Variants in MUC17 observed in about 807,000 individuals in gnomAD.
MUC17 encodes the protein mucin 17, cell surface associated, also known as mucin-17.
Under a neutral mutation model 170.3 loss-of-function variants are expected in MUC17, and 190 were observed. The ratio of observed to expected loss-of-function variants is 1.12; its 90% CI spans 0.99 to 1.26. MUC17 has a LOEUF of 1.26. Among genes scored for constraint, MUC17 ranks in the 50% most tolerant of loss-of-function variants. MUC17 has a pLI of 0.00. For synonymous variants in MUC17, 2,325 were observed against 2,002.5 expected, an observed-to-expected ratio of 1.16 and a Z score of -4.30; for missense variants, 6,415 against 5,530.0, an observed-to-expected ratio of 1.16 and a Z score of -5.08.
Position 101,056,163 on chromosome 7 carries a change from G to C in MUC17, c.13364-31G>C, listed in dbSNP as rs569601120. 4.3e-6 allele frequency: 7 copies of C among 1,613,164 alleles called. No individual in the cohort carries two copies. The Admixed American group carries it at 1.0e-4, about 23-fold the overall frequency. On this transcript the variant is annotated intron_variant, in intron 11 of 12. Transcript: ENST00000306151. ...TGAAAGTTTGTCCTTCTAACCTCCTGTTTCCATGGTGCTTTCCATCCCTCC... is the reference window on the plus strand; with the variant it reads ...TGAAAGTTTGTCCTTCTAACCTCCTCTTTCCATGGTGCTTTCCATCCCTCC...
Position 101,032,024 on chromosome 7 carries a change from G to T in MUC17, c.608G>T (p.Ser203Ile), listed in dbSNP as rs1219014348. Residue 203 changes from serine (S) to isoleucine (I), a missense_variant, in exon 3 of 13, where the codon AGC (serine) becomes ATC (isoleucine). By Grantham distance (142) the Ser-to-Ile change is moderately radical. Coordinates refer to ENST00000306151, the MANE Select transcript of MUC17 (RefSeq NM_001040105.2). ...AGTTCATCTCCTACTACTCCTGAAA[G>T]CACCACCATACCCAAATCAACTAAC... ...QASSSPTTPE[S>I]TTIPKSTNSE... is the part of the protein sequence containing the mutation. The T allele has an allele frequency of 1.9e-6, 3 of 1,614,054 alleles. No homozygotes were observed. Among genetic ancestry groups the T allele is most frequent in the East Asian group, 2.2e-5 (1 of 44,902 alleles).
In MUC17 at chr7:101,043,307, CT is replaced by C. The variant is rs765775106; in HGVS notation, c.11892del (p.Val3965Ter). 43 of 1,614,078 alleles carry C rather than the reference CT, an allele frequency of 2.7e-5. No homozygotes were observed. In the East Asian group the frequency reaches 8.7e-4, roughly 33 times the overall value. On this transcript the variant is annotated frameshift_variant, in exon 3 of 13. Coordinates refer to ENST00000306151, the MANE Select transcript of MUC17 (RefSeq NM_001040105.2). LOFTEE classifies it high-confidence loss of function. ...FPATTGAVSTPVITSTELNTP... is the reference protein window; with the variant it reads ...FPATTGAVSTXVITSTELNTP... The stretch of plus-strand genomic sequence containing the variant: ...GCAACAACTGGTGCTGTATCTACCC[CT>C]GTGATAACTTCCACTGAACTAAACA...
In MUC17 at chr7:101,031,776, A is replaced by G. The variant is rs1425582405; in HGVS notation, c.360A>G (p.Glu120=). The G allele has an allele frequency of 2.5e-6, 4 of 1,608,128 alleles. No homozygotes were observed. The highest frequency in any genetic ancestry group is 3.4e-6 in the Non-Finnish European group (4 of 1,174,598). The part of the protein sequence containing the change: ...MTPTESRTTS[E]STSDSTTLFP... ...CAACAGAATCCAGAACAACTTCAGAATCTACCAGTGACAGCACCACACTTT... is the reference window on the plus strand; with the variant it reads ...CAACAGAATCCAGAACAACTTCAGAGTCTACCAGTGACAGCACCACACTTT... Residue 120 remains glutamate (E), a synonymous_variant, in exon 3 of 13, where the codon GAA becomes GAG. Transcript: ENST00000306151.
In MUC17 at chr7:101,053,027, G is replaced by A; in HGVS notation, c.13145G>A (p.Cys4382Tyr). ...ACTCACTGGTACAGTGGGGAGACCTGTAACCAGGGCACCCAGAAGAGTCTG... is the reference window on the plus strand; with the variant it reads ...ACTCACTGGTACAGTGGGGAGACCTATAACCAGGGCACCCAGAAGAGTCTG... ...TETHWYSGET[C>Y]NQGTQKSLVY... The change falls in exon 10 of 13, where the codon TGT (cysteine) becomes TAT (tyrosine). Residue 4382 changes from cysteine (C) to tyrosine (Y), a missense_variant. Physicochemically the swap from Cys to Tyr is radical, Grantham distance 194. Coordinates refer to ENST00000306151, the MANE Select transcript of MUC17 (RefSeq NM_001040105.2). The A allele has an allele frequency of 1.2e-6, 2 of 1,614,156 alleles. No homozygotes were observed. Among genetic ancestry groups the A allele is most frequent in the Non-Finnish European group, 1.7e-6 (2 of 1,180,020 alleles).
intron 7 of MUC17, 38 bp downstream of exon 7, chr7:101,050,673 A>C: frequency 1.2e-6 from 2 of 1,602,890 alleles, no homozygotes; most frequent in Non-Finnish European, 1.7e-6. Flanking sequence ...GGGAGAAGGC[A>C]TCAGAGCTGG....
chr7:101,045,274 G>A (rs1043701590), intron 3 of MUC17, among the ~76,000 whole-genome samples: 4 of 152,236 alleles, frequency 2.6e-5, no homozygotes, highest in East Asian at 1.9e-4. Flanking sequence ...ATCCCATCTT[G>A]AATTGATGAT....
Position 101,035,755 on chromosome 7 carries a change from A to C in MUC17, c.4339A>C (p.Thr1447Pro). ...AACTGCTGAAGGTATCAGCATACCA[A>C]CCTCAACTCCTAGTGAAGGAAAGAC... ...PTTAEGISIP[T>P]STPSEGKTPL... is the part of the protein sequence containing the mutation. Residue 1447 changes from threonine (T) to proline (P), a missense_variant, in exon 3 of 13, where the codon ACC (threonine) becomes CCC (proline). Coordinates refer to ENST00000306151, the MANE Select transcript of MUC17 (RefSeq NM_001040105.2). 6.2e-7 allele frequency: 1 copy of C among 1,610,912 alleles called. No individual in the cohort carries two copies. Among genetic ancestry groups the C allele is most frequent in the Non-Finnish European group, 8.5e-7 (1 of 1,178,148 alleles).
chr7:101,025,396 C>T (rs1284713153), intron 1 of MUC17, among the ~76,000 whole-genome samples: 2 of 147,008 alleles, frequency 1.4e-5, no homozygotes, highest in African/African-American at 5.0e-5. Context: ...GGCATGGTGG[C>T]TTACACCTGT....
rs200627718 is a variant in MUC17, at chr7:101,035,637, G to A, written c.4221G>A (p.Pro1407=). Residue 1407 remains proline (P), a synonymous_variant, in exon 3 of 13, where the codon CCG becomes CCA. Transcript: ENST00000306151. The part of the protein sequence containing the change: ...PLTSIPVSTT[P]VVSSEASTLS... ...CAAGTATACCTGTCAGCACCACGCC[G>A]GTAGTCAGTTCTGAGGCTAGCACCC... 12 of 1,609,546 alleles carry A rather than the reference G, an allele frequency of 7.5e-6. No homozygotes were observed. The highest frequency in any genetic ancestry group is 4.5e-5 in the East Asian group (2 of 44,686).
In MUC17 at chr7:101,050,641, C is replaced by T. The variant is rs1487867451; in HGVS notation, c.12874+6C>T. 1.9e-6 allele frequency: 3 copies of T among 1,612,398 alleles called. No individual in the cohort carries two copies. Among genetic ancestry groups the T allele is most frequent in the Middle Eastern group, 1.7e-4 (1 of 6,056 alleles). ...GATTAATGATATTTGCTCAGGTGAA[C>T]TCTGGGCTTCCAGGGAGGGAAGGGA... On this transcript the variant is annotated splice_donor_region_variant and intron_variant, in intron 7 of 12. Transcript: ENST00000306151.
Position 101,047,981 on chromosome 7 carries a change from C to A in MUC17, c.12404-3C>A, listed in dbSNP as rs1429315273. On this transcript the variant is annotated splice_region_variant and splice_polypyrimidine_tract_variant and intron_variant, in intron 3 of 12. Transcript: ENST00000306151. ...AAAGAAAACTTCTGTGATTGTTCCACAGGCTTTGGAGATGGGTGCCAGAAT... is the reference window on the plus strand; with the variant it reads ...AAAGAAAACTTCTGTGATTGTTCCAAAGGCTTTGGAGATGGGTGCCAGAAT... 1.9e-6 allele frequency: 3 copies of A among 1,582,156 alleles called. No individual in the cohort carries two copies. The highest frequency in any genetic ancestry group is 2.6e-6 in the Non-Finnish European group (3 of 1,167,190).
rs1794788936 is a variant in MUC17, at chr7:101,043,956, C to G, written c.12403+137C>G. The G allele has an allele frequency of 1.1e-5, 9 of 823,176 alleles. No individual in the cohort carries two copies. In the African/African-American group the frequency reaches 1.6e-4, roughly 14 times the overall value. 51.0% of individuals were successfully genotyped at this position (823,176 alleles called of 1,614,324 possible). On this transcript the variant is annotated intron_variant, in intron 3 of 12. Transcript: ENST00000306151. ...GCTGCACCCATTAACTCATCATTTA[C>G]ATTAGGTATTTCTCGTAATGCTATC...
Position 101,031,148 on chromosome 7 carries a change from T to A in MUC17, c.111T>A (p.Asp37Glu), listed in dbSNP as rs760752547. 4.3e-6 allele frequency: 7 copies of A among 1,613,626 alleles called. No homozygotes were observed. In the South Asian group the frequency reaches 7.7e-5, roughly 18 times the overall value. ...TCAGTGTGAACAGGGCTGTGTGGGA[T>A]GGAGGAGGGTGCATCTCCCAAGGGG... ...QDLSVNRAVW[D>E]GGGCISQGDV... Residue 37 changes from aspartate to glutamate, a missense_variant, in exon 2 of 13, where the codon GAT becomes GAA. By Grantham distance (45) the Asp-to-Glu change is conservative. Coordinates refer to ENST00000306151, the MANE Select transcript of MUC17 (RefSeq NM_001040105.2).
At chr7:101,029,647 G>A (rs1026755247) in intron 1 of MUC17, among the ~76,000 whole-genome samples, 7 of 151,532 alleles carry the variant, frequency 4.6e-5, no homozygotes, top group Non-Finnish European at 7.4e-5. Context: ...TGGCCAGGCC[G>A]GAGTGCAGTG....
At chr7:101,053,220 A>C in intron 10 of MUC17, 73 bp downstream of exon 10, 2 of 1,588,282 alleles carry the variant, frequency 1.3e-6, no homozygotes, top group Non-Finnish European at 1.7e-6. Flanking sequence ...CTCTGTCTCT[A>C]ATCACTTCAT....
Position 101,058,021 on chromosome 7 carries a change from C to G in MUC17, c.13459C>G (p.Gln4487Glu). Reference sequence around the variant, plus strand: ...TTTTCAGATCCGAATTCAGAGGCCTCAGGTAATGACGACATCATTTTAAGG... The same window carrying G: ...TTTTCAGATCCGAATTCAGAGGCCTGAGGTAATGACGACATCATTTTAAGG... ...PETKIRIQRP[Q>E]VMTTSF Residue 4487 changes from glutamine to glutamate, a missense_variant, in exon 13 of 13, where the codon CAG becomes GAG. Coordinates refer to ENST00000306151, the MANE Select transcript of MUC17 (RefSeq NM_001040105.2). The G allele has an allele frequency of 6.2e-7, 1 of 1,613,948 alleles. No individual in the cohort carries two copies. The highest frequency in any genetic ancestry group is 8.5e-7 in the Non-Finnish European group (1 of 1,179,856).
At position 101,034,329 on chromosome 7, in the gene MUC17, C is replaced by G. The variant is rs569773585; in HGVS notation, c.2913C>G (p.Thr971=). ...CATCTCCTACAACTGCTGAAGGTACCAGCATACCAACCTCGACTCCTAGTG... is the reference window on the plus strand; with the variant it reads ...CATCTCCTACAACTGCTGAAGGTACGAGCATACCAACCTCGACTCCTAGTG... ...ATSSPTTAEG[T]SIPTSTPSEG... Residue 971 remains threonine, a synonymous_variant, in exon 3 of 13, where the codon ACC becomes ACG. Coordinates refer to ENST00000306151, the MANE Select transcript of MUC17 (RefSeq NM_001040105.2). 6.2e-7 allele frequency: 1 copy of G among 1,608,692 alleles called. No individual in the cohort carries two copies. Among genetic ancestry groups the G allele is most frequent in the African/African-American group, 1.3e-5 (1 of 74,500 alleles).
At position 101,039,235 on chromosome 7, in the gene MUC17, A is replaced by G. The variant is rs770974746; in HGVS notation, c.7819A>G (p.Thr2607Ala). The change falls in exon 3 of 13, where the codon ACT becomes GCT. Residue 2607 changes from threonine (T) to alanine (A), a missense_variant. Thr to Ala is a moderately conservative substitution (Grantham distance 58). Transcript: ENST00000306151. Reference protein sequence around the residue: ...TPVDTSIPVTTSTETSSSPTT... With the variant: ...TPVDTSIPVTASTETSSSPTT... ...TGTTGACACCAGCATACCTGTCACC[A>G]CTTCTACTGAAACCAGTTCATCTCC... The G allele has an allele frequency of 1.2e-6, 2 of 1,613,774 alleles. No individual in the cohort carries two copies. The highest frequency in any genetic ancestry group is 1.7e-6 in the Non-Finnish European group (2 of 1,179,860).
In MUC17 at chr7:101,042,203, C is replaced by T. The variant is rs1038384282; in HGVS notation, c.10787C>T (p.Pro3596Leu). Reference sequence around the variant, plus strand: ...GTGACCAGTTCTGAGGCTAGCACACCTTCCACTCCTTCTGTTGACAGAAGC... The same window carrying T: ...GTGACCAGTTCTGAGGCTAGCACACTTTCCACTCCTTCTGTTGACAGAAGC... Reference protein sequence around the residue: ...TYVTSSEASTPSTPSVDRSTP... With the variant: ...TYVTSSEASTLSTPSVDRSTP... The change falls in exon 3 of 13, where the codon CCT becomes CTT. Residue 3596 changes from proline to leucine, a missense_variant. Physicochemically the swap from Pro to Leu is moderately conservative, Grantham distance 98. Transcript: ENST00000306151. 6.2e-7 allele frequency: 1 copy of T among 1,614,038 alleles called. No individual in the cohort carries two copies. The highest frequency in any genetic ancestry group is 1.1e-5 in the South Asian group (1 of 91,068).
Sources: allele counts gnomAD v4.1 joint callset (sites outside exome capture counted in the v4.1 genomes callset), GRCh38; gene constraint gnomAD v4.1.1; transcripts MANE v1.5; gene names NCBI Gene and HGNC (gene_info 2026-07-23, HGNC 2026-07-21).